B3GALT5: variants seen among roughly 807,000 people sequenced by gnomAD.
B3GALT5 encodes beta-1,3-galactosyltransferase 5, also known as UDP-Gal:betaGlcNAc beta 1,3-galactosyltransferase, polypeptide 5.
For synonymous variants in B3GALT5, 156 were observed against 158.6 expected (o/e 0.98, Z 0.12); for missense variants, 328 against 396.6 (o/e 0.83, Z 1.47).
Position 39,661,772 on chromosome 21 carries a change from C to T in B3GALT5, c.*280C>T, listed in dbSNP as rs1396268654. On this transcript the variant is annotated 3_prime_UTR_variant, in exon 4 of 4. Coordinates refer to ENST00000684187, the MANE Select transcript of B3GALT5 (RefSeq NM_001356336.2). This position sits in a 1 kb window ranked among gnomAD's most constrained non-coding sequence, Gnocchi z 4.7. ...GTATCCTATGACATGATGGGTGTTA[C>T]CATCCTAATTTTACAGGCAAGGACA... 1 of 303,396 alleles carries T rather than the reference C, an allele frequency of 3.3e-6. No individual in the cohort carries two copies. The allele number at this position is 303,396 out of a possible 1,614,324, so 18.8% of individuals were successfully genotyped here. A position where few individuals can be genotyped will look rare whatever the true frequency, so the allele number is the denominator to read the frequency against.
rs1305852394 is a variant in B3GALT5, at chr21:39,662,030, C to G, written c.*538C>G. 6.0e-6 allele frequency: 1 copy of G among 167,150 alleles called. No homozygotes were observed. The highest frequency in any genetic ancestry group is 1.9e-4 in the East Asian group (1 of 5,190). 10.4% of individuals were successfully genotyped at this position (167,150 alleles called of 1,614,324 possible). On this transcript the variant is annotated 3_prime_UTR_variant, in exon 4 of 4. Transcript: ENST00000684187. ...CTCCCAGTCCTTGTGCTTTTTGGAG[C>G]TAAGCCTGGGATGACCAAATTCACC... is the stretch of plus-strand genomic sequence containing the variant.
intron 1 of B3GALT5, among the ~76,000 whole-genome samples, chr21:39,640,965 G>A (rs146297166): frequency 1.3e-3 from 200 of 152,124 alleles, no homozygotes; most frequent in Non-Finnish European, 1.6e-3. Context: ...GTGTCGTCTC[G>A]AACTCCTGGG....
chr21:39,613,695 C>T (rs901082495), intron 1 of B3GALT5, among the ~76,000 whole-genome samples: 9 of 152,150 alleles, frequency 5.9e-5, no homozygotes, highest in Admixed American at 4.6e-4. Context: ...TGTGTGCGCG[C>T]GTATGTGTGC....
intron 1 of B3GALT5, among the ~76,000 whole-genome samples, chr21:39,614,328 G>A (rs1377448987): frequency 6.6e-6 from 1 of 152,168 alleles, no homozygotes; most frequent in African/African-American, 2.4e-5. Context: ...GTCTTAAGTA[G>A]TTTCTTTGTT....
chr21:39,657,657 C>G (rs2079459979), intron 2 of B3GALT5: 1 of 254,614 alleles, frequency 3.9e-6, no homozygotes, highest in African/African-American at 3.0e-5. Flanking sequence ...TTCTTCTCAT[C>G]TATCTGTCTG....
intron 1 of B3GALT5, among the ~76,000 whole-genome samples, chr21:39,632,675 G>A (rs1457947182): frequency 1.3e-5 from 2 of 152,162 alleles, no homozygotes; most frequent in Non-Finnish European, 2.9e-5. Flanking sequence ...GGTGAAGAAG[G>A]CAGTCACCGT....
intron 1 of B3GALT5, among the ~76,000 whole-genome samples, chr21:39,630,078 G>A (rs1332861608): frequency 6.6e-6 from 1 of 152,052 alleles, no homozygotes; most frequent in Non-Finnish European, 1.5e-5. Flanking sequence ...GTGGGAAAAC[G>A]GTCCTAGCGT....
chr21:39,628,371 A>G lies in B3GALT5; in HGVS notation c.-392+15304A>G, dbSNP rs565891826. Reference sequence around the variant, plus strand: ...GGTATCCATCACCCGAGTAACGTGTATTGTACCCGTTAAGTAATTTCTCAT... The same window carrying G: ...GGTATCCATCACCCGAGTAACGTGTGTTGTACCCGTTAAGTAATTTCTCAT... On this transcript the variant is annotated intron_variant, in intron 1 of 3. Transcript: ENST00000684187. 1.8e-4 allele frequency among the ~76,000 whole-genome samples: 28 copies of G among 152,260 alleles called. No individual in the cohort carries two copies. The South Asian group carries it at 2.9e-3, about 16-fold the overall frequency.
chr21:39,639,073 A>G (rs1456927971), intron 1 of B3GALT5, among the ~76,000 whole-genome samples: 1 of 152,206 alleles, frequency 6.6e-6, no homozygotes, highest in Non-Finnish European at 1.5e-5. Flanking sequence ...CCTCGCTCCC[A>G]TATTACCACG....
Position 39,660,857 on chromosome 21 carries a change from A to G in B3GALT5, c.298A>G (p.Thr100Ala), listed in dbSNP as rs2079509880. ...QLKTFFLLGT[T>A]SSAAETKEVD... Reference sequence around the variant, plus strand: ...GAAGACATTCTTCCTCCTGGGGACCACCAGCAGTGCAGCGGAAACGAAAGA... The same window carrying G: ...GAAGACATTCTTCCTCCTGGGGACCGCCAGCAGTGCAGCGGAAACGAAAGA... The change falls in exon 4 of 4, where the codon ACC (threonine) becomes GCC (alanine). Residue 100 changes from threonine (T) to alanine (A), a missense_variant. Thr to Ala is a moderately conservative substitution (Grantham distance 58). Coordinates refer to ENST00000684187, the MANE Select transcript of B3GALT5 (RefSeq NM_001356336.2). The G allele has an allele frequency of 6.2e-7, 1 of 1,611,744 alleles. No individual in the cohort carries two copies. Among genetic ancestry groups the G allele is most frequent in the Admixed American group, 1.7e-5 (1 of 59,648 alleles).
In B3GALT5 at chr21:39,670,771, C is replaced by T. The variant is rs553198623; in HGVS notation, c.*9279C>T. On this transcript the variant is annotated 3_prime_UTR_variant, in exon 4 of 4. Transcript: ENST00000684187. ...GCTTTGGTGACTCTCATGGGCCCTC[C>T]GTGCCAAGAGTCTATGGCTCTGTGA... is the stretch of plus-strand genomic sequence containing the variant. 1 of 152,018 alleles carries T rather than the reference C, an allele frequency of 6.6e-6. No homozygotes were observed. Among genetic ancestry groups the T allele is most frequent in the African/African-American group, 2.4e-5 (1 of 41,510 alleles). The allele number at this position is 152,018 out of a possible 1,614,324, so 9.4% of individuals were successfully genotyped here.
chr21:39,613,060 C>T lies in B3GALT5; in HGVS notation c.-399C>T, dbSNP rs1346113066. 6.7e-6 allele frequency: 1 copy of T among 150,146 alleles called. No homozygotes were observed. Among genetic ancestry groups the T allele is most frequent in the African/African-American group, 2.4e-5 (1 of 41,148 alleles). The allele number at this position is 150,146 out of a possible 1,614,324, so 9.3% of individuals were successfully genotyped here. On this transcript the variant is annotated 5_prime_UTR_variant, in exon 1 of 4. Coordinates refer to ENST00000684187, the MANE Select transcript of B3GALT5 (RefSeq NM_001356336.2). ...CCGACTGGGCCTGCCGGGGCTGCCC[C>T]GCGCACGGTAAGGCCCGGGGCTGGG...
chr21:39,656,782 G>A (rs1049324210), intron 2 of B3GALT5, among the ~76,000 whole-genome samples: 4 of 152,202 alleles, frequency 2.6e-5, no homozygotes, highest in South Asian at 2.1e-4. Context: ...GTGCCTGTGC[G>A]GGTAGGATGC....
Position 39,668,390 on chromosome 21 carries a change from TC to T in B3GALT5, c.*6901del, listed in dbSNP as rs2079597416. On this transcript the variant is annotated 3_prime_UTR_variant, in exon 4 of 4. Transcript: ENST00000684187. ...AAACTCAGGATATATATTCCAAATA[TC>T]CCTGATTTGGGGGGCAAGGTCTGTG... 1 of 152,186 alleles carries T rather than the reference TC, an allele frequency of 6.6e-6. No individual in the cohort carries two copies. Among genetic ancestry groups the T allele is most frequent in the African/African-American group, 2.4e-5 (1 of 41,436 alleles). 9.4% of individuals were successfully genotyped at this position (152,186 alleles called of 1,614,324 possible).
chr21:39,615,968 GA>G (rs1283524155), intron 1 of B3GALT5, among the ~76,000 whole-genome samples: 2 of 152,178 alleles, frequency 1.3e-5, no homozygotes, highest in Non-Finnish European at 2.9e-5. Context: ...AACATGATTT[GA>G]AAAGTAATTC....
In B3GALT5 at chr21:39,660,688, C is replaced by G. The variant is rs1331463757; in HGVS notation, c.129C>G (p.Asn43Lys). 1 of 1,558,350 alleles carries G rather than the reference C, an allele frequency of 6.4e-7. No individual in the cohort carries two copies. The highest frequency in any genetic ancestry group is 2.0e-5 in the Admixed American group (1 of 50,520). Reference protein sequence around the residue: ...EQSFVYKKDGNFLKLPDTDCR... With the variant: ...EQSFVYKKDGKFLKLPDTDCR... Reference sequence around the variant, plus strand: ...CCTTTGTTTACAAGAAAGACGGGAACTTCCTTAAGCTCCCAGATACAGACT... The same window carrying G: ...CCTTTGTTTACAAGAAAGACGGGAAGTTCCTTAAGCTCCCAGATACAGACT... The change falls in exon 4 of 4, where the codon AAC (asparagine) becomes AAG (lysine). Residue 43 changes from asparagine (N) to lysine (K), a missense_variant. Transcript: ENST00000684187.
chr21:39,652,401 A>G (rs2079404406), intron 2 of B3GALT5, among the ~76,000 whole-genome samples: 1 of 152,270 alleles, frequency 6.6e-6, no homozygotes, highest in Non-Finnish European at 1.5e-5. Context: ...ACTGCTGGGC[A>G]TGCAGCACTT....
rs578192205 is a variant in B3GALT5 at position 39,660,443 on chromosome 21, A to C, written c.1-117A>C. 4.6e-5 allele frequency: 38 copies of C among 826,474 alleles called. No individual in the cohort carries two copies. The South Asian group carries it at 1.3e-3, about 28-fold the overall frequency. 51.2% of individuals were successfully genotyped at this position (826,474 alleles called of 1,614,324 possible). On this transcript the variant is annotated intron_variant, in intron 3 of 3. Coordinates refer to ENST00000684187, the MANE Select transcript of B3GALT5 (RefSeq NM_001356336.2). The stretch of plus-strand genomic sequence containing the variant: ...CACACAGCACCCGACTTCTGTATGC[A>C]GCGAGGTTCTAGAGTTTCCAAAACA...
chr21:39,623,225 C>T (rs113586890), intron 1 of B3GALT5, among the ~76,000 whole-genome samples: 108 of 66,520 alleles, frequency 1.6e-3, no homozygotes, highest in African/African-American at 2.2e-3. Context: ...CTCCCTCCCT[C>T]CCTCCCTCCC....
Sources: allele counts gnomAD v4.1 joint callset (sites outside exome capture counted in the v4.1 genomes callset), GRCh38; gene constraint gnomAD v4.1.1; non-coding constraint Gnocchi (gnomAD v3.1); transcripts MANE v1.5; gene names NCBI Gene and HGNC (gene_info 2026-07-23, HGNC 2026-07-21).